Variants in FBXL17 observed in about 807,000 individuals in gnomAD.
The protein encoded by FBXL17 is F-box/LRR-repeat protein 17.
Under a neutral mutation model 66.2 loss-of-function variants are expected in FBXL17, and 22 were observed. That is an observed-to-expected ratio of 0.33 (90% confidence interval 0.24 to 0.47). The LOEUF (loss-of-function observed/expected upper bound fraction) is 0.47. FBXL17 is among the 20% of genes least tolerant of loss of function. The pLI is 1.00. For missense variants in FBXL17, 878 were observed against 948.2 expected (o/e 0.93, Z 0.97); for synonymous variants, 474 against 400.5 (o/e 1.18, Z -2.19).
chr5:108,075,767 G>A (rs1027913948), intron 6 of FBXL17, among the ~76,000 whole-genome samples: 4 of 151,858 alleles, frequency 2.6e-5, no homozygotes, highest in African/African-American at 9.7e-5. Flanking sequence ...TTAAGCCACC[G>A]CATCTGACCC....
At chr5:107,877,836 A>C (rs2112496285) in intron 8 of FBXL17, among the ~76,000 whole-genome samples, 1 of 152,222 alleles carries the variant, frequency 6.6e-6, no homozygotes, top group Admixed American at 6.5e-5. Flanking sequence ...ACAGGGCCAA[A>C]TTAATTTTGT....
At chr5:108,149,000 C>T (rs1262620459) in intron 6 of FBXL17, among the ~76,000 whole-genome samples, 1 of 152,130 alleles carries the variant, frequency 6.6e-6, no homozygotes, top group African/African-American at 2.4e-5. Flanking sequence ...AAACAGAGGC[C>T]CCTTGCTTTG....
intron 7 of FBXL17, among the ~76,000 whole-genome samples, chr5:107,926,335 T>A (rs557980588): frequency 2.6e-5 from 4 of 152,236 alleles, no homozygotes; most frequent in South Asian, 4.2e-4. Context: ...GAGGAGTGCA[T>A]TGACAGAGAT....
chr5:108,382,068 A>C lies in FBXL17; in HGVS notation c.-377T>G. The stretch of plus-strand genomic sequence containing the variant: ...CCCGCTCGGACCATTTTAACTGCGG[A>C]TCCGCCGCCGGCGCGCGCACCCGCG... On this transcript the variant is annotated 5_prime_UTR_variant, in exon 1 of 9. Coordinates refer to ENST00000542267, the MANE Select transcript of FBXL17 (RefSeq NM_001163315.3). The C allele has an allele frequency of 1.4e-6, 1 of 700,402 alleles. No individual in the cohort carries two copies. The highest frequency in any genetic ancestry group is 1.8e-6 in the Non-Finnish European group (1 of 561,164). 43.4% of individuals were successfully genotyped at this position (700,402 alleles called of 1,614,324 possible). A position where few individuals can be genotyped will look rare whatever the true frequency, so the allele number is the denominator to read the frequency against.
intron 4 of FBXL17, among the ~76,000 whole-genome samples, chr5:108,341,646 G>C (rs189099490): frequency 1.6e-3 from 236 of 152,036 alleles, no homozygotes; most frequent in African/African-American, 5.5e-3. Context: ...TTATTACCTA[G>C]AGACTTTCAA....
intron 6 of FBXL17, among the ~76,000 whole-genome samples, chr5:108,077,636 C>T (rs1329177060): frequency 1.3e-5 from 2 of 149,820 alleles, no homozygotes; most frequent in Non-Finnish European, 3.0e-5. Flanking sequence ...GCACTCCAGC[C>T]TGGTTAACAA....
chr5:108,333,643 C>CAG (rs1760239873), intron 4 of FBXL17, among the ~76,000 whole-genome samples: 1 of 152,002 alleles, frequency 6.6e-6, no homozygotes, highest in African/African-American at 2.4e-5. Flanking sequence ...TGTCAATTCT[C>CAG]AATTTATCAA....
intron 7 of FBXL17, among the ~76,000 whole-genome samples, chr5:107,900,159 T>C (rs1749524975): frequency 1.3e-5 from 2 of 152,174 alleles, no homozygotes; most frequent in African/African-American, 2.4e-5. Context: ...TCAGTAAGGA[T>C]TGGTTTTGCT....
At chr5:108,104,202 A>G (rs1561411606) in intron 6 of FBXL17, among the ~76,000 whole-genome samples, 2 of 152,002 alleles carry the variant, frequency 1.3e-5, no homozygotes, top group East Asian at 1.9e-4. Context: ...CGCCTGGATA[A>G]TTTTTTGTAC....
At chr5:108,031,651 C>T (rs1199224402) in intron 6 of FBXL17, among the ~76,000 whole-genome samples, 1 of 152,048 alleles carries the variant, frequency 6.6e-6, no homozygotes, top group Non-Finnish European at 1.5e-5. Context: ...TAAACTTAAT[C>T]CATGAGAAAC....
intron 4 of FBXL17, among the ~76,000 whole-genome samples, chr5:108,254,236 AAAAG>A (rs1454367131): frequency 6.6e-6 from 1 of 152,220 alleles, no homozygotes; most frequent in Non-Finnish European, 1.5e-5. Context: ...GTGCTTCTAG[AAAAG>A]AAAGAATGAA....
At chr5:107,945,105 G>A (rs1001227230) in intron 7 of FBXL17, among the ~76,000 whole-genome samples, 3 of 151,978 alleles carry the variant, frequency 2.0e-5, no homozygotes, top group African/African-American at 7.2e-5. Context: ...AAAAAGATAT[G>A]AATGGACAAT....
At chr5:108,258,623 A>T (rs958026058) in intron 4 of FBXL17, among the ~76,000 whole-genome samples, 2 of 152,118 alleles carry the variant, frequency 1.3e-5, no homozygotes, top group Non-Finnish European at 1.5e-5. Context: ...GGGTCAAAAA[A>T]CCTGGGCTCT....
chr5:108,248,018 C>T (rs1241453474), intron 4 of FBXL17, among the ~76,000 whole-genome samples: 1 of 152,096 alleles, frequency 6.6e-6, no homozygotes, highest in Non-Finnish European at 1.5e-5. Context: ...AGGTTATCTG[C>T]TAATGTAGCA....
intron 5 of FBXL17, among the ~76,000 whole-genome samples, chr5:108,198,534 A>C (rs1753770251): frequency 6.6e-6 from 1 of 152,196 alleles, no homozygotes; most frequent in South Asian, 2.1e-4. Context: ...TGTCATGGAT[A>C]GTGAAGGAAT....
intron 6 of FBXL17, among the ~76,000 whole-genome samples, chr5:108,110,255 G>A (rs550492351): frequency 1.7e-4 from 26 of 152,170 alleles, no homozygotes; most frequent in African/African-American, 6.3e-4. Flanking sequence ...TCTCTTATAA[G>A]ATCCTCTCTT....
intron 7 of FBXL17, among the ~76,000 whole-genome samples, chr5:108,004,702 T>G (rs562212985): frequency 9.2e-5 from 14 of 152,184 alleles, no homozygotes; most frequent in Non-Finnish European, 1.9e-4. Flanking sequence ...TTCAGAGGAA[T>G]CAGCATTTTC....
chr5:108,098,014 C>T (rs886531560), intron 6 of FBXL17, among the ~76,000 whole-genome samples: 5 of 152,010 alleles, frequency 3.3e-5, no homozygotes, highest in Admixed American at 6.6e-5. Flanking sequence ...GTCTATTATT[C>T]ACTACTAGAT....
At chr5:108,239,818 A>G (rs542825622) in intron 4 of FBXL17, among the ~76,000 whole-genome samples, 14 of 151,982 alleles carry the variant, frequency 9.2e-5, no homozygotes, top group South Asian at 4.2e-4. Context: ...TTCCGCTTGA[A>G]GAGAGGGAAG....
Sources: allele counts gnomAD v4.1 joint callset (sites outside exome capture counted in the v4.1 genomes callset), GRCh38; gene constraint gnomAD v4.1.1; transcripts MANE v1.5; gene names NCBI Gene and HGNC (gene_info 2026-07-23, HGNC 2026-07-21).